SUGCT: variants seen among roughly 807,000 people sequenced by gnomAD.
SUGCT encodes the protein succinyl-CoA:glutarate CoA-transferase.
In SUGCT, 41 loss-of-function variants were observed where a neutral mutation model predicts 55.0. The observed-to-expected ratio is 0.74, with a 90% CI of 0.58 to 0.97. The LOEUF is 0.97. SUGCT is among the 50% of genes least tolerant of loss of function. The pLI, the probability that SUGCT is intolerant of heterozygous loss-of-function variation, is 0.00. For missense variants in SUGCT, 568 were observed against 547.8 expected (o/e 1.04, Z -0.37); for synonymous variants, 187 against 200.4 (o/e 0.93, Z 0.56).
chr7:40,759,550 A>G (rs912083366), intron 13 of SUGCT, among the ~76,000 whole-genome samples: 1 of 152,132 alleles, frequency 6.6e-6, no homozygotes, highest in African/African-American at 2.4e-5. Flanking sequence ...ATTCAAACCC[A>G]GCTCTGGGTG....
At chr7:40,219,632 T>A (rs569143607) in intron 6 of SUGCT, among the ~76,000 whole-genome samples, 1 of 152,132 alleles carries the variant, frequency 6.6e-6, no homozygotes, top group African/African-American at 2.4e-5. Context: ...AGGATAGGCC[T>A]CTCTCCACCA....
intron 9 of SUGCT, among the ~76,000 whole-genome samples, chr7:40,345,560 T>G (rs1416191981): frequency 6.6e-6 from 1 of 152,226 alleles, no homozygotes; most frequent in East Asian, 1.9e-4. Flanking sequence ...TGCTTCACAT[T>G]ATTCCATTCA....
the SUGCT span, among the ~76,000 whole-genome samples, chr7:40,916,782 A>G: frequency 5.3e-5 from 8 of 152,202 alleles, no homozygotes; most frequent in Non-Finnish European, 7.4e-5. Flanking sequence ...AGGCTTTAAC[A>G]TTTATTATTC....
At chr7:40,788,036 C>G (rs1790119271) in intron 13 of SUGCT, among the ~76,000 whole-genome samples, 1 of 152,204 alleles carries the variant, frequency 6.6e-6, no homozygotes, top group Non-Finnish European at 1.5e-5. Context: ...GCCACTCACT[C>G]TACCACCTGC....
the SUGCT span, among the ~76,000 whole-genome samples, chr7:40,950,684 C>T: frequency 6.6e-6 from 1 of 152,120 alleles, no homozygotes; most frequent in Non-Finnish European, 1.5e-5. Context: ...TGAATTTCGT[C>T]AAAGGCCTTT....
intron 7 of SUGCT, among the ~76,000 whole-genome samples, chr7:40,273,845 G>A (rs1459217880): frequency 2.0e-5 from 3 of 152,050 alleles, no homozygotes; most frequent in South Asian, 2.1e-4. Flanking sequence ...AAACATCTCC[G>A]TTTTATACCC....
chr7:40,554,874 A>C (rs1795479463), intron 12 of SUGCT, among the ~76,000 whole-genome samples: 3 of 152,120 alleles, frequency 2.0e-5, no homozygotes, highest in Middle Eastern at 3.2e-3. Flanking sequence ...CCTCTGCCTA[A>C]TGGTTCCTCA....
chr7:40,151,051 A>G (rs1005627082), intron 1 of SUGCT, among the ~76,000 whole-genome samples: 8 of 152,138 alleles, frequency 5.3e-5, no homozygotes, highest in African/African-American at 1.9e-4. Flanking sequence ...GCTGGCCAAC[A>G]TGGTGAAACC....
intron 12 of SUGCT, among the ~76,000 whole-genome samples, chr7:40,656,526 T>G (rs1801025340): frequency 2.6e-5 from 4 of 152,236 alleles, no homozygotes; most frequent in African/African-American, 9.6e-5. Context: ...CTCTTCCTTC[T>G]GTCCCACATG....
intron 3 of SUGCT, among the ~76,000 whole-genome samples, chr7:40,185,380 T>C (rs1288025057): frequency 1.3e-5 from 2 of 152,198 alleles, no homozygotes; most frequent in Non-Finnish European, 2.9e-5. Context: ...TGTTGTTCCC[T>C]ATATAGTGAG....
the SUGCT span, among the ~76,000 whole-genome samples, chr7:40,870,214 A>T: frequency 6.6e-6 from 1 of 152,194 alleles, no homozygotes. Context: ...AACTGAAAGA[A>T]AAGTGTTACA....
intron 8 of SUGCT, among the ~76,000 whole-genome samples, chr7:40,290,572 T>C (rs111708787): frequency 0.44 from 66,517 of 151,938 alleles, 15,895 homozygotes; most frequent in African/African-American, 0.63. Context: ...ACCTAGGCAG[T>C]ACTATTCAGG....
intron 12 of SUGCT, among the ~76,000 whole-genome samples, chr7:40,511,756 G>T (rs539865242): frequency 1.3e-5 from 2 of 152,268 alleles, no homozygotes; most frequent in East Asian, 1.9e-4. Flanking sequence ...TAATGGCAAA[G>T]GGGGAGCCCT....
intron 1 of SUGCT, among the ~76,000 whole-genome samples, chr7:40,180,632 G>A (rs1014104390): frequency 1.2e-4 from 18 of 151,988 alleles, no homozygotes; most frequent in Non-Finnish European, 1.0e-4. Context: ...GAGATTACAG[G>A]CATGTGCCAC....
At chr7:41,010,960 T>A in the SUGCT span, among the ~76,000 whole-genome samples, 2 of 152,156 alleles carry the variant, frequency 1.3e-5, no homozygotes, top group African/African-American at 4.8e-5. Flanking sequence ...AAAATATGAA[T>A]GGTTAAAAAA....
chr7:40,385,097 T>C (rs921626433), intron 9 of SUGCT, among the ~76,000 whole-genome samples: 6 of 152,220 alleles, frequency 3.9e-5, no homozygotes, highest in African/African-American at 1.4e-4. Flanking sequence ...TTCTAGGGAA[T>C]TGAAAATAGT....
chr7:40,620,524 T>C (rs912033221), intron 12 of SUGCT, among the ~76,000 whole-genome samples: 1 of 151,964 alleles, frequency 6.6e-6, no homozygotes, highest in African/African-American at 2.4e-5. Flanking sequence ...TGCCTCAGCC[T>C]CCTGAGTAGC....
At chr7:40,879,169 T>C in the SUGCT span, among the ~76,000 whole-genome samples, 8 of 152,370 alleles carry the variant, frequency 5.3e-5, no homozygotes, top group South Asian at 1.7e-3. Context: ...TGTCTACCGA[T>C]GACTTCCTTC....
At chr7:40,774,066 C>T (rs568325188) in intron 13 of SUGCT, among the ~76,000 whole-genome samples, 18 of 152,244 alleles carry the variant, frequency 1.2e-4, no homozygotes, top group African/African-American at 4.3e-4. Context: ...CACAATACTT[C>T]CGAATTCAAC....
Sources: gnomAD v4.1 joint callset for allele counts (sites outside exome capture counted in the v4.1 genomes callset) on GRCh38, gnomAD v4.1.1 for gene constraint, MANE v1.5 for transcripts, NCBI Gene and HGNC (gene_info 2026-07-23, HGNC 2026-07-21) for gene names.